Variants in TRAK1 observed in about 807,000 individuals in gnomAD.
TRAK1 encodes trafficking kinesin protein 1.
In TRAK1, 33 loss-of-function variants were observed where a neutral mutation model predicts 92.1. That is an observed-to-expected ratio of 0.36 (90% CI 0.27 to 0.48). TRAK1 has a LOEUF of 0.48. TRAK1 is among the 20% of genes least tolerant of loss of function. The pLI is 0.99. For synonymous variants in TRAK1, 521 were observed against 517.3 expected (o/e 1.01, Z -0.10); for missense variants, 1,123 against 1,257.9 (o/e 0.89, Z 1.62).
chr3:42,023,002 CA>C (rs1423668590), intron 1 of TRAK1, among the ~76,000 whole-genome samples: 100 of 151,506 alleles, frequency 6.6e-4, no homozygotes, highest in African/African-American at 2.2e-3. Flanking sequence ...ACTAAAAATA[CA>C]AAAAATTAGC....
intron 7 of TRAK1, among the ~76,000 whole-genome samples, chr3:42,192,145 AC>A (rs1559905467): frequency 6.6e-6 from 1 of 151,950 alleles, no homozygotes; most frequent in Admixed American, 6.6e-5. Context: ...CAGGTGATCC[AC>A]CTGCCTTGGC....
chr3:42,041,825 C>T (rs1047960284), intron 1 of TRAK1, among the ~76,000 whole-genome samples: 7 of 148,196 alleles, frequency 4.7e-5, no homozygotes, highest in Admixed American at 1.4e-4. Flanking sequence ...GACGGAGTCT[C>T]GCTCTGCCGC....
chr3:42,222,695 A>G (rs551518057), intron 15 of TRAK1, among the ~76,000 whole-genome samples: 76 of 152,280 alleles, frequency 5.0e-4, no homozygotes, highest in African/African-American at 1.7e-3. Context: ...AAAGGGGACA[A>G]CTGTACCCAC....
intron 1 of TRAK1, among the ~76,000 whole-genome samples, chr3:42,116,225 G>C (rs80214101): frequency 0.025 from 3,760 of 152,334 alleles, 142 homozygotes; most frequent in African/African-American, 0.085. Flanking sequence ...TCTGCTGCTG[G>C]TTTGCTCTGT....
At chr3:42,195,321 A>G (rs771778294) in intron 10 of TRAK1, among the ~76,000 whole-genome samples, 10 of 152,222 alleles carry the variant, frequency 6.6e-5, no homozygotes, top group Admixed American at 3.3e-4. Context: ...TAGACATTTA[A>G]TAGACATTAC....
intron 1 of TRAK1, among the ~76,000 whole-genome samples, chr3:42,061,254 TCTGTGCATGCGTGCATGCA>T (rs1703428287): frequency 1.3e-5 from 2 of 151,648 alleles, no homozygotes; most frequent in Admixed American, 6.6e-5. Context: ...TGTGTCTACA[TCTGTGCATGCGTGCATGCA>T]CACACCCACC....
chr3:42,045,833 T>C (rs931723651), intron 1 of TRAK1, among the ~76,000 whole-genome samples: 5 of 152,198 alleles, frequency 3.3e-5, no homozygotes, highest in African/African-American at 1.2e-4. Flanking sequence ...CCAAGACTCT[T>C]TTACCTGGGA....
At chr3:42,148,062 A>G (rs546151413) in intron 2 of TRAK1, among the ~76,000 whole-genome samples, 4 of 152,290 alleles carry the variant, frequency 2.6e-5, no homozygotes, top group African/African-American at 9.6e-5. Context: ...ATCTGTATAT[A>G]TGCTGCTGTT....
rs564142269 is a variant in TRAK1, at chr3:42,207,506, G to A, written c.1745-2261G>A. 4.1e-4 allele frequency among the ~76,000 whole-genome samples: 63 copies of A among 152,270 alleles called. No homozygotes were observed. In the Middle Eastern group the frequency reaches 0.014, roughly 33 times the overall value. Reference sequence around the variant, plus strand: ...CCCCGGCTATGCCACCACTAATTAAGTGGCTTTGGAAAGTTATCTAACTTC... The same window carrying A: ...CCCCGGCTATGCCACCACTAATTAAATGGCTTTGGAAAGTTATCTAACTTC... On this transcript the variant is annotated intron_variant, in intron 13 of 15. Transcript: ENST00000327628.
intron 1 of TRAK1, among the ~76,000 whole-genome samples, chr3:42,029,758 A>T (rs1171295294): frequency 6.6e-6 from 1 of 152,124 alleles, no homozygotes; most frequent in Admixed American, 6.5e-5. Flanking sequence ...CCATGTTGGC[A>T]GGCTGGTCTC....
At chr3:42,035,454 G>A (rs1010854540) in intron 1 of TRAK1, among the ~76,000 whole-genome samples, 3 of 152,054 alleles carry the variant, frequency 2.0e-5, no homozygotes, top group Admixed American at 6.6e-5. Flanking sequence ...AACGCTTCCC[G>A]GCTGACCACC....
chr3:42,165,431 G>C (rs1344836267), intron 2 of TRAK1, among the ~76,000 whole-genome samples: 1 of 152,200 alleles, frequency 6.6e-6, no homozygotes, highest in Non-Finnish European at 1.5e-5. Context: ...TCTCCATCTG[G>C]TTCCCAGGCG....
At chr3:42,042,810 G>A (rs1025222593) in intron 1 of TRAK1, among the ~76,000 whole-genome samples, 1 of 152,132 alleles carries the variant, frequency 6.6e-6, no homozygotes, top group African/African-American at 2.4e-5. Context: ...TTAATGTAGA[G>A]GGTGCACTAG....
At chr3:42,174,727 T>C (rs1246448193) in intron 2 of TRAK1, among the ~76,000 whole-genome samples, 1 of 148,830 alleles carries the variant, frequency 6.7e-6, no homozygotes, top group Admixed American at 6.7e-5. Flanking sequence ...ATTTTATATA[T>C]ATACAAAAAT....
chr3:42,184,871 G>A, intron 4 of TRAK1, 70 bp downstream of exon 4: 10 of 1,440,812 alleles, frequency 6.9e-6, no homozygotes, highest in Non-Finnish European at 8.7e-6. Context: ...CATGGCTGAA[G>A]GAGATGAGAG....
intron 2 of TRAK1, among the ~76,000 whole-genome samples, chr3:42,159,583 T>C (rs1450199103): frequency 6.6e-6 from 1 of 152,222 alleles, no homozygotes; most frequent in Non-Finnish European, 1.5e-5. Flanking sequence ...TAGAGAGATC[T>C]TTATAAATTT....
chr3:42,183,331 G>T (rs567968144), intron 3 of TRAK1, among the ~76,000 whole-genome samples: 1 of 151,990 alleles, frequency 6.6e-6, no homozygotes, highest in African/African-American at 2.4e-5. Context: ...CGAGGAGGGC[G>T]AATCACCTGA....
chr3:42,051,528 T>C (rs1022577473), intron 1 of TRAK1: 1 of 152,264 alleles, frequency 6.6e-6, no homozygotes, highest in Non-Finnish European at 1.5e-5. Flanking sequence ...ATTAACCCTG[T>C]TGGAAGGTCA....
chr3:42,158,994 TAATAATA>T (rs1289210495), intron 2 of TRAK1, among the ~76,000 whole-genome samples: 10 of 148,702 alleles, frequency 6.7e-5, no homozygotes, highest in African/African-American at 2.2e-4. Flanking sequence ...ATAATAATAA[TAATAATA>T]ATTAGAGGAT....
Sources: allele counts gnomAD v4.1 joint callset (sites outside exome capture counted in the v4.1 genomes callset), GRCh38; gene constraint gnomAD v4.1.1; transcripts MANE v1.5; gene names NCBI Gene and HGNC (gene_info 2026-07-23, HGNC 2026-07-21).